Variants in SIAH1 observed in about 807,000 individuals in gnomAD.
SIAH1 encodes E3 ubiquitin-protein ligase SIAH1.
A neutral mutation model predicts 20.0 loss-of-function variants in SIAH1; 2 were observed. The ratio of observed to expected loss-of-function variants is 0.10; its 90% CI spans 0.04 to 0.31. The LOEUF is 0.31. Among genes scored for constraint, SIAH1 ranks in the 10% least tolerant of loss-of-function variants. The pLI, the probability that SIAH1 is intolerant of heterozygous loss-of-function variation, is 1.00. For missense variants in SIAH1, 119 were observed against 355.3 expected (o/e 0.33, Z 5.35); for synonymous variants, 118 against 125.3 (o/e 0.94, Z 0.39).
chr16:48,366,405 T>C (rs1240442859), intron 1 of SIAH1, among the ~76,000 whole-genome samples: 4 of 152,184 alleles, frequency 2.6e-5, no homozygotes, highest in Non-Finnish European at 5.9e-5. Flanking sequence ...TTTCTACTCC[T>C]ATCAGCACTA....
chr16:48,376,523 GCTCTGTCGCCCAGGCTGGA>G (rs1196739593), intron 1 of SIAH1, among the ~76,000 whole-genome samples: 1 of 151,678 alleles, frequency 6.6e-6, no homozygotes, highest in Admixed American at 6.6e-5. Context: ...ACAGAGTCTC[GCTCTGTCGCCCAGGCTGGA>G]GTGCAGTGGT....
Position 48,366,142 on chromosome 16 carries a change from C to G in SIAH1, c.-2-3712G>C, listed in dbSNP as rs374365517. On this transcript the variant is annotated intron_variant, in intron 1 of 1. Coordinates refer to ENST00000394725, the MANE Select transcript of SIAH1 (RefSeq NM_003031.4). The stretch of plus-strand genomic sequence containing the variant: ...CCCAGCGACATCGAACCTTCCTCAG[C>G]ATTTCCACCAGTTTAAAATTAGGTG... Among the ~76,000 whole-genome samples the G allele has an allele frequency of 1.1e-4, 17 of 152,184 alleles. No homozygotes were observed. In the East Asian group the frequency reaches 2.9e-3, roughly 26 times the overall value.
At chr16:48,367,424 G>C (rs868208220) in intron 1 of SIAH1, among the ~76,000 whole-genome samples, 24 of 152,252 alleles carry the variant, frequency 1.6e-4, no homozygotes, top group Middle Eastern at 6.8e-3. Context: ...ACTTAATTAA[G>C]TCAGAAAAGT....
At chr16:48,365,443 G>A in intron 1 of SIAH1, 3 of 1,613,904 alleles carry the variant, frequency 1.9e-6, no homozygotes, top group Non-Finnish European at 2.5e-6. Context: ...TCCCCTCCAG[G>A]AGTACAGAGA....
At chr16:48,378,478 GGGGGC>G (rs1961170384) in intron 1 of SIAH1, among the ~76,000 whole-genome samples, 1 of 152,222 alleles carries the variant, frequency 6.6e-6, no homozygotes, top group Non-Finnish European at 1.5e-5. Flanking sequence ...TTCCTGTGAA[GGGGGC>G]GGCTCCTTGT....
At chr16:48,372,451 T>C (rs1188462335) in intron 1 of SIAH1, among the ~76,000 whole-genome samples, 1 of 152,360 alleles carries the variant, frequency 6.6e-6, no homozygotes, top group East Asian at 1.9e-4. Flanking sequence ...AATATTTTAC[T>C]TTCATGTTTT....
At chr16:48,373,148 A>C (rs1961025940) in intron 1 of SIAH1, among the ~76,000 whole-genome samples, 3 of 152,096 alleles carry the variant, frequency 2.0e-5, no homozygotes. Flanking sequence ...TTACACCCTA[A>C]GATGTTCTTT....
intron 1 of SIAH1, among the ~76,000 whole-genome samples, chr16:48,380,812 C>G (rs1004145940): frequency 2.6e-5 from 4 of 151,022 alleles, no homozygotes; most frequent in African/African-American, 7.3e-5. Flanking sequence ...CCTCTAATCC[C>G]AGCTACTCAG....
chr16:48,377,555 A>AT (rs1212118499), intron 1 of SIAH1, among the ~76,000 whole-genome samples: 9 of 151,950 alleles, frequency 5.9e-5, no homozygotes, highest in Non-Finnish European at 1.3e-4. Flanking sequence ...TGCCCAGCTA[A>AT]TTTTTTTATT....
chr16:48,384,529 C>A (rs1961388503), intron 1 of SIAH1, among the ~76,000 whole-genome samples: 1 of 152,198 alleles, frequency 6.6e-6, no homozygotes, highest in Non-Finnish European at 1.5e-5. Flanking sequence ...GCACGCCGTT[C>A]ACGCGCTCTC....
At chr16:48,380,994 A>T (rs946770636) in intron 1 of SIAH1, among the ~76,000 whole-genome samples, 6 of 151,700 alleles carry the variant, frequency 4.0e-5, no homozygotes, top group African/African-American at 1.5e-4. Context: ...GGCCGAGGAT[A>T]CAGAGCAACA....
At chr16:48,381,019 T>C (rs1266966775) in intron 1 of SIAH1, among the ~76,000 whole-genome samples, 2 of 151,204 alleles carry the variant, frequency 1.3e-5, no homozygotes, top group Admixed American at 1.3e-4. Flanking sequence ...CGCTCATTCA[T>C]TGCTTGTAGG....
chr16:48,380,752 C>G (rs562081874), intron 1 of SIAH1, among the ~76,000 whole-genome samples: 20 of 151,746 alleles, frequency 1.3e-4, no homozygotes, highest in Admixed American at 2.6e-4. Flanking sequence ...GGCAAAACCC[C>G]GTCTCTACTA....
At chr16:48,365,379 G>T (rs1348938196) in intron 1 of SIAH1, 1 of 1,613,764 alleles carries the variant, frequency 6.2e-7, no homozygotes, top group Non-Finnish European at 8.5e-7. Context: ...TCCTCTTAAT[G>T]TCAATACCTT....
chr16:48,360,992 C>T lies in SIAH1; in HGVS notation c.*588G>A, dbSNP rs1960561653. 3.3e-5 allele frequency: 5 copies of T among 151,768 alleles called. No homozygotes were observed. Among genetic ancestry groups the T allele is most frequent in the Admixed American group, 3.3e-4 (5 of 15,240 alleles). 9.4% of individuals were successfully genotyped at this position (151,768 alleles called of 1,614,324 possible). A position where few individuals can be genotyped will look rare whatever the true frequency, so the allele number is the denominator to read the frequency against. On this transcript the variant is annotated 3_prime_UTR_variant, in exon 2 of 2. Transcript: ENST00000394725. The stretch of plus-strand genomic sequence containing the variant: ...CACGTTATAAATTTTTTACCATAAA[C>T]AAATATGCATATCAAAAGATACTAA...
At chr16:48,381,160 C>G (rs1961280302) in intron 1 of SIAH1, among the ~76,000 whole-genome samples, 1 of 151,976 alleles carries the variant, frequency 6.6e-6, no homozygotes, top group Non-Finnish European at 1.5e-5. Flanking sequence ...GCCTGGCCGA[C>G]ATGTTGAAAC....
chr16:48,376,031 G>C (rs1961101363), intron 1 of SIAH1, among the ~76,000 whole-genome samples: 1 of 152,186 alleles, frequency 6.6e-6, no homozygotes, highest in African/African-American at 2.4e-5. Flanking sequence ...ATAGTTCTTA[G>C]AGATGATAAT....
At chr16:48,374,364 A>C (rs1961052154) in intron 1 of SIAH1, among the ~76,000 whole-genome samples, 1 of 152,236 alleles carries the variant, frequency 6.6e-6, no homozygotes, top group South Asian at 2.1e-4. Flanking sequence ...AAGCAACAGA[A>C]CAATGCTTTT....
chr16:48,384,921 C>T lies in SIAH1; in HGVS notation c.-3+283G>A, dbSNP rs1256028592. ...GCCGCCGAGGCCCTTCCCCCGCCCT[C>T]GGCCCGGCCGCGCGGGGCCGACCCC... On this transcript the variant is annotated intron_variant, in intron 1 of 1. Coordinates refer to ENST00000394725, the MANE Select transcript of SIAH1 (RefSeq NM_003031.4). Among the ~76,000 whole-genome samples the T allele has an allele frequency of 1.0e-4, 15 of 144,098 alleles. No homozygotes were observed. In the South Asian group the frequency reaches 3.2e-3, roughly 30 times the overall value. 94.5% of individuals were successfully genotyped at this position (144,098 alleles called of 152,430 possible).
Sources: allele counts gnomAD v4.1 joint callset (sites outside exome capture counted in the v4.1 genomes callset), GRCh38; gene constraint gnomAD v4.1.1; transcripts MANE v1.5; gene names NCBI Gene and HGNC (gene_info 2026-07-23, HGNC 2026-07-21).